Variants in FADS1 observed in about 807,000 individuals in gnomAD.
FADS1 encodes the protein acyl-CoA (8-3)-desaturase.
In FADS1, 17 loss-of-function variants were observed where a neutral mutation model predicts 61.6. The ratio of observed to expected loss-of-function variants is 0.28; its 90% CI spans 0.19 to 0.41. The LOEUF (loss-of-function observed/expected upper bound fraction) is 0.41. FADS1 is among the 10% of genes least tolerant of loss of function. The probability of loss-of-function intolerance (pLI) is 1.00; values close to 1 mark genes in which losing one functional copy is unlikely to be tolerated. For missense variants in FADS1, 387 were observed against 650.9 expected (o/e 0.59, Z 4.41); for synonymous variants, 238 against 258.7 (o/e 0.92, Z 0.77).
chr11:61,816,827 T>C lies in FADS1; in HGVS notation c.103A>G (p.Ser35Gly). 4.7e-6 allele frequency: 7 copies of C among 1,495,058 alleles called. No individual in the cohort carries two copies. The highest frequency in any genetic ancestry group is 6.2e-6 in the Non-Finnish European group (7 of 1,131,898). The allele number at this position is 1,495,058 out of a possible 1,614,324, so 92.6% of individuals were successfully genotyped here. The stretch of plus-strand genomic sequence containing the variant: ...AGGCGCGTGCTCGGGGTCCGCGGGC[T>C]CCAGGAGTGGATTTGCTGGCGCGCG... ...LGARQQIHSW[S>G]PRTPSTRLTA... Residue 35 changes from serine to glycine, a missense_variant, in exon 1 of 12, where the codon AGC (serine) becomes GGC (glycine). Physicochemically the swap from Ser to Gly is moderately conservative, Grantham distance 56 (BLOSUM62 0). Around this residue, in one of 2 missense-constraint regions of FADS1, gnomAD observed 130 missense variants for 117.7 expected, o/e 1.10. Coordinates refer to ENST00000350997, the MANE Select transcript of FADS1 (RefSeq NM_013402.7). This position sits in a 1 kb window ranked among gnomAD's most constrained non-coding sequence, Gnocchi z 7.0.
chr11:61,806,435 G>A (rs1009817563), intron 6 of FADS1: 1 of 554,772 alleles, frequency 1.8e-6, no homozygotes, highest in Non-Finnish European at 3.2e-6. Context: ...GGAAACTGGG[G>A]TTGGATGGGA....
rs1345798047 is a variant in FADS1, at chr11:61,816,488, ACT to A, written c.375+65_375+66del. 1.9e-6 allele frequency: 3 copies of A among 1,600,578 alleles called. No individual in the cohort carries two copies. Among genetic ancestry groups the A allele is most frequent in the East Asian group, 4.5e-5 (2 of 44,732 alleles). ...GTCGGTGTTTGGCTCGGAGTGCGTA[ACT>A]CTGTCTCCCCTGCACTCAGCCTCCG... On this transcript the variant is annotated intron_variant, in intron 1 of 11. Coordinates refer to ENST00000350997, the MANE Select transcript of FADS1 (RefSeq NM_013402.7). This position sits in a 1 kb window ranked among gnomAD's most constrained non-coding sequence, Gnocchi z 7.0.
intron 5 of FADS1, among the ~76,000 whole-genome samples, chr11:61,810,526 A>G (rs2066924120): frequency 6.6e-6 from 1 of 152,186 alleles, no homozygotes; most frequent in African/African-American, 2.4e-5. Flanking sequence ...CCTTTTATGC[A>G]GTAACGGTTT....
rs1425508330 is a variant in FADS1, at chr11:61,802,099, T to TC, written c.*311dup. Reference sequence around the variant, plus strand: ...CCTGACTCTGGGTTCAGTAGGTCCCTCCTCTTCTGTTACCCTCCTGGTTCT... The same window carrying TC: ...CCTGACTCTGGGTTCAGTAGGTCCCTCCCTCTTCTGTTACCCTCCTGGTTCT... On this transcript the variant is annotated 3_prime_UTR_variant, in exon 12 of 12. Coordinates refer to ENST00000350997, the MANE Select transcript of FADS1 (RefSeq NM_013402.7). The surrounding 1 kb of genome is among the most constrained non-coding windows in gnomAD (Gnocchi z 4.2). 1 of 345,870 alleles carries TC rather than the reference T, an allele frequency of 2.9e-6. No homozygotes were observed. Among genetic ancestry groups the TC allele is most frequent in the Admixed American group, 4.0e-5 (1 of 24,942 alleles). 21.4% of individuals were successfully genotyped at this position (345,870 alleles called of 1,614,324 possible). A position where few individuals can be genotyped will look rare whatever the true frequency, so the allele number is the denominator to read the frequency against.
Position 61,816,623 on chromosome 11 carries a change from T to C in FADS1, c.307A>G (p.Ser103Gly). 2 of 1,603,554 alleles carry C rather than the reference T, an allele frequency of 1.2e-6. No homozygotes were observed. The highest frequency in any genetic ancestry group is 2.2e-5 in the South Asian group (2 of 89,802). ...LVIDRKVYNI[S>G]EFTRRHPGGS... ...CCTGGATGCCGGCGGGTGAACTCGC[T>C]GATGTTGTACACCTTACGGTCGATC... Residue 103 changes from serine to glycine, a missense_variant, in exon 1 of 12, where the codon AGC (serine) becomes GGC (glycine). Around this residue, in one of 2 missense-constraint regions of FADS1, gnomAD observed 257 missense variants for 533.3 expected, o/e 0.48. Coordinates refer to ENST00000350997, the MANE Select transcript of FADS1 (RefSeq NM_013402.7). This position sits in a 1 kb window ranked among gnomAD's most constrained non-coding sequence, Gnocchi z 7.0.
At chr11:61,811,215 TC>T in intron 3 of FADS1, 140 bp from the exon 4 acceptor site, 1 of 639,234 alleles carries the variant, frequency 1.6e-6, no homozygotes, top group East Asian at 2.7e-5. Context: ...GAAACATGGG[TC>T]CTAGTTCTGC....
chr11:61,816,710 G>C lies in FADS1; in HGVS notation c.220C>G (p.Pro74Ala), dbSNP rs1267153394. ...ACCTCGTCCCAGGTGAAGTAGCGCG[G>C]GGTAGGTCCCTGAGCCGCGGTCTCG... ...AAETAAQGPT[P>A]RYFTWDEVAQ... The change falls in exon 1 of 12, where the codon CCG becomes GCG. Residue 74 changes from proline to alanine, a missense_variant. Around this residue, in one of 2 missense-constraint regions of FADS1, gnomAD observed 130 missense variants for 117.7 expected, o/e 1.10. Coordinates refer to ENST00000350997, the MANE Select transcript of FADS1 (RefSeq NM_013402.7). The surrounding 1 kb of genome is among the most constrained non-coding windows in gnomAD (Gnocchi z 7.0). 5 of 1,575,502 alleles carry C rather than the reference G, an allele frequency of 3.2e-6. No homozygotes were observed. Among genetic ancestry groups the C allele is most frequent in the Non-Finnish European group, 4.3e-6 (5 of 1,161,208 alleles).
At chr11:61,811,902 G>C (rs935917509) in intron 3 of FADS1, 3 of 435,936 alleles carry the variant, frequency 6.9e-6, no homozygotes, top group African/African-American at 6.1e-5. Flanking sequence ...TGTATTTTTA[G>C]TAGAGGTTTC....
At chr11:61,804,944 T>A in intron 6 of FADS1, 183 bp from the exon 7 acceptor site, 1 of 598,706 alleles carries the variant, frequency 1.7e-6, no homozygotes, top group Admixed American at 3.0e-5. Flanking sequence ...AAGGTGGGCA[T>A]AAATCCAAGT....
chr11:61,816,119 G>T lies in FADS1; in HGVS notation c.375+436C>A, dbSNP rs1039957961. 1.4e-6 allele frequency: 1 copy of T among 725,102 alleles called. No individual in the cohort carries two copies. Among genetic ancestry groups the T allele is most frequent in the Non-Finnish European group, 2.2e-6 (1 of 451,090 alleles). The allele number at this position is 725,102 out of a possible 1,614,324, so 44.9% of individuals were successfully genotyped here. On this transcript the variant is annotated intron_variant, in intron 1 of 11. Transcript: ENST00000350997. The surrounding 1 kb of genome is among the most constrained non-coding windows in gnomAD (Gnocchi z 7.0). ...GAGACCGGCACCTAGGTCCAGACGCGGCTGCGCTGCCTCTCCTAGCCATCG... is the reference window on the plus strand; with the variant it reads ...GAGACCGGCACCTAGGTCCAGACGCTGCTGCGCTGCCTCTCCTAGCCATCG...
Position 61,803,711 on chromosome 11 carries a change from T to C in FADS1, c.1110A>G (p.Leu370=), listed in dbSNP as rs372536281. ...GGCCCAGGAAGGCTTTCAGCCCCAATAGTGGCACATAAGTGAGGAAGAAGC... is the reference window on the plus strand; with the variant it reads ...GGCCCAGGAAGGCTTTCAGCCCCAACAGTGGCACATAAGTGAGGAAGAAGC... ...YVRFFLTYVP[L]LGLKAFLGLF... Residue 370 remains leucine, a synonymous_variant, in exon 8 of 12, where the codon CTA becomes CTG. Transcript: ENST00000350997. This position sits in a 1 kb window ranked among gnomAD's most constrained non-coding sequence, Gnocchi z 4.3. 15 of 1,613,800 alleles carry C rather than the reference T, an allele frequency of 9.3e-6. No homozygotes were observed. The highest frequency in any genetic ancestry group is 6.7e-5 in the African/African-American group (5 of 74,914).
At chr11:61,812,787 C>T (rs2066940983) in intron 2 of FADS1, 119 bp from the exon 3 acceptor site, 3 of 826,140 alleles carry the variant, frequency 3.6e-6, no homozygotes, top group Non-Finnish European at 3.9e-6. Context: ...GTCCACAGTC[C>T]TAGGCAAAGA....
chr11:61,809,258 C>T (rs947976404), intron 5 of FADS1, among the ~76,000 whole-genome samples: 2 of 152,230 alleles, frequency 1.3e-5, no homozygotes, highest in Non-Finnish European at 2.9e-5. Flanking sequence ...TCATGACTAC[C>T]TCTCAGTTTC....
Position 61,802,489 on chromosome 11 carries a change from G to A in FADS1, c.1455-27C>T. On this transcript the variant is annotated intron_variant, in intron 11 of 11. Transcript: ENST00000350997. The surrounding 1 kb of genome is among the most constrained non-coding windows in gnomAD (Gnocchi z 4.2). ...TGCAGGGACAAAATGGGGGCAGACA[G>A]TGAGGGAGACAAGCAGAGTTGAACC... 5.8e-6 allele frequency: 9 copies of A among 1,555,348 alleles called. No homozygotes were observed. Among genetic ancestry groups the A allele is most frequent in the Non-Finnish European group, 7.8e-6 (9 of 1,148,360 alleles).
In FADS1 at chr11:61,801,770, T is replaced by C. The variant is rs967568326; in HGVS notation, c.*641A>G. ...AAGCATTAATGTTTCCTTGCTGTTA[T>C]AATTCTTGCTCATCAGGTTCAACTG... On this transcript the variant is annotated 3_prime_UTR_variant, in exon 12 of 12. Transcript: ENST00000350997. 1 of 152,652 alleles carries C rather than the reference T, an allele frequency of 6.6e-6. No homozygotes were observed. The highest frequency in any genetic ancestry group is 2.4e-5 in the African/African-American group (1 of 41,470). The allele number at this position is 152,652 out of a possible 1,614,324, so 9.5% of individuals were successfully genotyped here.
Position 61,803,666 on chromosome 11 carries a change from C to T in FADS1, c.1151+4G>A. On this transcript the variant is annotated splice_donor_region_variant and intron_variant, in intron 8 of 11. Transcript: ENST00000350997. The surrounding 1 kb of genome is among the most constrained non-coding windows in gnomAD (Gnocchi z 4.3). ...AGTCCCTATCCGCCCCCACCGAATACTACCTGACTATGAAGAAAAGGCCCA... is the reference window on the plus strand; with the variant it reads ...AGTCCCTATCCGCCCCCACCGAATATTACCTGACTATGAAGAAAAGGCCCA... The T allele has an allele frequency of 1.2e-6, 2 of 1,609,732 alleles. No individual in the cohort carries two copies. Among genetic ancestry groups the T allele is most frequent in the Non-Finnish European group, 8.5e-7 (1 of 1,175,992 alleles).
rs1263242792 is a variant in FADS1 at position 61,803,477 on chromosome 11, CAGACA to C, written c.1152-23_1152-19del. 1 of 1,586,662 alleles carries C rather than the reference CAGACA, an allele frequency of 6.3e-7. No individual in the cohort carries two copies. The highest frequency in any genetic ancestry group is 8.7e-7 in the Non-Finnish European group (1 of 1,155,110). On this transcript the variant is annotated intron_variant, in intron 8 of 11. Coordinates refer to ENST00000350997, the MANE Select transcript of FADS1 (RefSeq NM_013402.7). This position sits in a 1 kb window ranked among gnomAD's most constrained non-coding sequence, Gnocchi z 4.3. ...CCAGGAACCTGTTAGATGTATTACA[CAGACA>C]AAAACAGTACACACAGAGCCCAGAA...
intron 2 of FADS1, 151 bp downstream of exon 2, chr11:61,813,092 A>G: frequency 1.4e-6 from 1 of 697,946 alleles, no homozygotes; most frequent in Non-Finnish European, 2.6e-6. Flanking sequence ...TGACCTCATG[A>G]CTATGCAAGA....
chr11:61,807,367 C>T (rs1248338740), intron 5 of FADS1, among the ~76,000 whole-genome samples: 4 of 152,146 alleles, frequency 2.6e-5, no homozygotes, highest in South Asian at 4.1e-4. Context: ...TGCGCCCGGC[C>T]GCCATCGTAC....
Sources: allele counts gnomAD v4.1 joint callset (sites outside exome capture counted in the v4.1 genomes callset), GRCh38; gene constraint gnomAD v4.1.1; regional missense constraint gnomAD v4.1.1; non-coding constraint Gnocchi (gnomAD v3.1); transcripts MANE v1.5; gene names NCBI Gene and HGNC (gene_info 2026-07-23, HGNC 2026-07-21).